PDE4D: variants seen among roughly 807,000 people sequenced by gnomAD.
The protein encoded by PDE4D is phosphodiesterase 4D, also known as 3',5'-cyclic-AMP phosphodiesterase 4D.
Under a neutral mutation model 87.4 loss-of-function variants are expected in PDE4D, and 24 were observed. The observed-to-expected ratio is 0.27, with a 90% CI of 0.20 to 0.39. The LOEUF (loss-of-function observed/expected upper bound fraction) is 0.39. Ranked by LOEUF, PDE4D falls within the 10% of genes least tolerant of loss-of-function variation. PDE4D has a pLI of 1.00. For missense variants in PDE4D, 714 were observed against 1,041.0 expected, an observed-to-expected ratio of 0.69 and a Z score of 4.32; for synonymous variants, 384 against 383.2, an observed-to-expected ratio of 1.00 and a Z score of -0.02.
At chr5:59,372,857 T>A (rs1334431196) in intron 1 of PDE4D, among the ~76,000 whole-genome samples, 2 of 152,300 alleles carry the variant, frequency 1.3e-5, no homozygotes, top group East Asian at 3.9e-4. Context: ...GAAGACAAAG[T>A]TTGGGCCTCA....
chr5:59,809,650 C>T lies in PDE4D; in HGVS notation c.455+83518G>A, dbSNP rs1581207684. On this transcript the variant is annotated intron_variant, in intron 1 of 14. Coordinates refer to ENST00000340635, the MANE Select transcript of PDE4D (RefSeq NM_001104631.2). Reference sequence around the variant, plus strand: ...TGTGTCTCTTATGTACATCTCCAGACTGTGCAGGCGGAGCTCAAGTTGGAT... The same window carrying T: ...TGTGTCTCTTATGTACATCTCCAGATTGTGCAGGCGGAGCTCAAGTTGGAT... Among the ~76,000 whole-genome samples, 4 of 152,316 alleles carry T rather than the reference C, an allele frequency of 2.6e-5. 1 individual carries two copies. Among genetic ancestry groups the T allele is most frequent in the African/African-American group, 9.6e-5 (4 of 41,570 alleles).
chr5:60,300,369 GT>G (rs199960743), intron 1 of PDE4D, among the ~76,000 whole-genome samples: 1 of 151,204 alleles, frequency 6.6e-6, no homozygotes, highest in African/African-American at 2.4e-5. Context: ...TCTGATGATA[GT>G]TTTTTTTTGC....
At chr5:60,442,438 CA>C (rs1745307082) in intron 1 of PDE4D, among the ~76,000 whole-genome samples, 1 of 151,270 alleles carries the variant, frequency 6.6e-6, no homozygotes, top group African/African-American at 2.4e-5. Context: ...CAGGGCCTGT[CA>C]GGGGGTGGGG....
chr5:59,031,380 TATATATATATATTATA>T (rs1348492286), intron 6 of PDE4D, among the ~76,000 whole-genome samples: 5 of 62,666 alleles, frequency 8.0e-5, no homozygotes, highest in African/African-American at 2.7e-4. Context: ...TATATATATA[TATATATATATATTATA>T]TATATATATA....
intron 2 of PDE4D, among the ~76,000 whole-genome samples, chr5:60,050,583 A>T (rs1000372645): frequency 6.6e-6 from 1 of 152,196 alleles, no homozygotes; most frequent in South Asian, 2.1e-4. Context: ...GCAAAAACAT[A>T]CCAAACTGTA....
intron 1 of PDE4D, among the ~76,000 whole-genome samples, chr5:59,484,128 T>G (rs1314289923): frequency 6.6e-6 from 1 of 152,154 alleles, no homozygotes; most frequent in Non-Finnish European, 1.5e-5. Flanking sequence ...CATCAACTAC[T>G]GAGAATCCCA....
intron 1 of PDE4D, among the ~76,000 whole-genome samples, chr5:60,356,096 A>G (rs570427299): frequency 2.6e-5 from 4 of 152,282 alleles, no homozygotes; most frequent in African/African-American, 9.6e-5. Context: ...AAGAGAGTGA[A>G]AAAAACTGCA....
At chr5:59,563,181 A>G (rs941956868) in intron 1 of PDE4D, among the ~76,000 whole-genome samples, 7 of 152,206 alleles carry the variant, frequency 4.6e-5, no homozygotes, top group Non-Finnish European at 8.8e-5. Flanking sequence ...CATGCTGCTG[A>G]GCAGATGATC....
chr5:59,329,814 G>A (rs1340342865), intron 1 of PDE4D, among the ~76,000 whole-genome samples: 1 of 152,156 alleles, frequency 6.6e-6, no homozygotes, highest in Non-Finnish European at 1.5e-5. Flanking sequence ...CTGAGAAGCT[G>A]AGTCATTCTC....
chr5:60,013,889 C>T (rs184326445), intron 2 of PDE4D, among the ~76,000 whole-genome samples: 65 of 151,994 alleles, frequency 4.3e-4, no homozygotes, highest in African/African-American at 1.4e-3. Flanking sequence ...TGCAAGAGAC[C>T]GAGACCATCC....
intron 1 of PDE4D, among the ~76,000 whole-genome samples, chr5:59,822,329 T>C (rs1046871036): frequency 1.3e-5 from 2 of 152,190 alleles, no homozygotes; most frequent in Non-Finnish European, 1.5e-5. Flanking sequence ...AGTAGAACTA[T>C]TGTAATTTTT....
At chr5:60,052,407 C>T (rs1243494714) in intron 2 of PDE4D, among the ~76,000 whole-genome samples, 1 of 152,118 alleles carries the variant, frequency 6.6e-6, no homozygotes, top group Non-Finnish European at 1.5e-5. Flanking sequence ...TAAACATAAC[C>T]CATCACATAA....
Position 59,504,629 on chromosome 5 carries a change from C to G in PDE4D, c.456-288661G>C, listed in dbSNP as rs78686292. ...CTTTAAAGTGTTATACCTCTCTCTT[C>G]CCCTCTGTCCTACATTTGGGAAAAC... On this transcript the variant is annotated intron_variant, in intron 1 of 14. Transcript: ENST00000340635. Among the ~76,000 whole-genome samples, 994 of 152,232 alleles carry G rather than the reference C, an allele frequency of 6.5e-3. 9 individuals are homozygous for G. Among genetic ancestry groups the G allele is most frequent in the African/African-American group, 0.023 (963 of 41,540 alleles).
chr5:60,139,957 T>C (rs1780385339), intron 2 of PDE4D, among the ~76,000 whole-genome samples: 1 of 152,106 alleles, frequency 6.6e-6, no homozygotes, highest in South Asian at 2.1e-4. Context: ...TACCAACTAA[T>C]TTTACTGGTA....
At chr5:60,056,538 G>T (rs1364261162) in intron 2 of PDE4D, among the ~76,000 whole-genome samples, 2 of 151,976 alleles carry the variant, frequency 1.3e-5, no homozygotes, top group Non-Finnish European at 2.9e-5. Flanking sequence ...AGGGGAGGGA[G>T]GGGCTGTCAA....
At chr5:59,951,443 A>C (rs1758284942) in intron 3 of PDE4D, among the ~76,000 whole-genome samples, 1 of 152,212 alleles carries the variant, frequency 6.6e-6, no homozygotes, top group Non-Finnish European at 1.5e-5. Context: ...ATTTCCTCTT[A>C]AAAAAGATCA....
At chr5:60,340,970 C>T (rs1428797171) in intron 1 of PDE4D, among the ~76,000 whole-genome samples, 1 of 152,120 alleles carries the variant, frequency 6.6e-6, no homozygotes, top group Non-Finnish European at 1.5e-5. Flanking sequence ...TAAGAGTATT[C>T]TCTAGAGAGC....
At chr5:59,626,643 A>G (rs1830934924) in intron 1 of PDE4D, among the ~76,000 whole-genome samples, 1 of 152,208 alleles carries the variant, frequency 6.6e-6, no homozygotes, top group African/African-American at 2.4e-5. Flanking sequence ...TAATATTTTA[A>G]TAGTGAAAGG....
intron 1 of PDE4D, among the ~76,000 whole-genome samples, chr5:59,420,107 T>C (rs1333171497): frequency 1.3e-5 from 2 of 152,210 alleles, no homozygotes; most frequent in Non-Finnish European, 2.9e-5. Flanking sequence ...TGAATTTGCA[T>C]CGGTAAGTCC....
Sources: gnomAD v4.1 joint callset for allele counts (sites outside exome capture counted in the v4.1 genomes callset) on GRCh38, gnomAD v4.1.1 for gene constraint, MANE v1.5 for transcripts, NCBI Gene and HGNC (gene_info 2026-07-23, HGNC 2026-07-21) for gene names.